Variants in PDE11A observed in about 807,000 individuals in gnomAD.
PDE11A encodes the protein dual 3',5'-cyclic-AMP and -GMP phosphodiesterase 11A.
In PDE11A, 100 loss-of-function variants were observed where a neutral mutation model predicts 100.5. The observed-to-expected ratio is 1.00, with a 90% CI of 0.85 to 1.18. The LOEUF is 1.18. PDE11A is among the 50% of genes most tolerant of loss of function. The probability of loss-of-function intolerance (pLI) is 0.00; values close to 1 mark genes in which losing one functional copy is unlikely to be tolerated. For missense variants in PDE11A, 1,141 were observed against 1,152.6 expected, an observed-to-expected ratio of 0.99 and a Z score of 0.15; for synonymous variants, 381 against 420.8, an observed-to-expected ratio of 0.91 and a Z score of 1.16.
At chr2:177,872,681 A>G (rs1187503832) in intron 5 of PDE11A, among the ~76,000 whole-genome samples, 1 of 152,196 alleles carries the variant, frequency 6.6e-6, no homozygotes, top group African/African-American at 2.4e-5. Flanking sequence ...TCAGAGGACT[A>G]AAGTATCTAA....
Position 177,872,281 on chromosome 2 carries a change from T to C in PDE11A, c.1367+3578A>G, listed in dbSNP as rs1263889581. Among the ~76,000 whole-genome samples, 3 of 152,344 alleles carry C rather than the reference T, an allele frequency of 2.0e-5. No homozygotes were observed. The South Asian group carries it at 6.2e-4, about 32-fold the overall frequency. Reference sequence around the variant, plus strand: ...TATAATTCAACATAAAATGCCTTTCTAACTACTAGAATCCCTTATAAATGC... The same window carrying C: ...TATAATTCAACATAAAATGCCTTTCCAACTACTAGAATCCCTTATAAATGC... On this transcript the variant is annotated intron_variant, in intron 5 of 19. Transcript: ENST00000286063.
chr2:177,657,741 A>T (rs2080411547), intron 19 of PDE11A, among the ~76,000 whole-genome samples: 1 of 152,180 alleles, frequency 6.6e-6, no homozygotes, highest in Non-Finnish European at 1.5e-5. Flanking sequence ...TTGGGGGTCA[A>T]ACCTTTAAGG....
intron 5 of PDE11A, among the ~76,000 whole-genome samples, chr2:177,849,282 T>G (rs545544148): frequency 1.5e-4 from 23 of 152,256 alleles, no homozygotes; most frequent in African/African-American, 4.3e-4. Flanking sequence ...TGATACTGAA[T>G]TGTGATAAAT....
In PDE11A at chr2:178,084,128, C is replaced by T. The variant is rs1419253246; in HGVS notation, c.162+20174G>A. Among the ~76,000 whole-genome samples, 5 of 152,318 alleles carry T rather than the reference C, an allele frequency of 3.3e-5. No individual in the cohort carries two copies. In the East Asian group the frequency reaches 9.6e-4, roughly 29 times the overall value. On this transcript the variant is annotated intron_variant, in intron 2 of 20. Transcript: ENST00000358450. Reference sequence around the variant, plus strand: ...ACTCAATAGTGTATTATAGCTATCCCTCCATGTGAGAATAAATAAAACCTC... The same window carrying T: ...ACTCAATAGTGTATTATAGCTATCCTTCCATGTGAGAATAAATAAAACCTC...
Position 177,882,161 on chromosome 2 carries a change from C to T in PDE11A, c.1303-6238G>A, listed in dbSNP as rs546823039. Among the ~76,000 whole-genome samples, 4 of 152,308 alleles carry T rather than the reference C, an allele frequency of 2.6e-5. No homozygotes were observed. The South Asian group carries it at 6.2e-4, about 24-fold the overall frequency. ...CAATTATTAATAGTGCCCACTTTCA[C>T]GCTCACAAGTGTCTTTGAATAGCAA... is the stretch of plus-strand genomic sequence containing the variant. On this transcript the variant is annotated intron_variant, in intron 4 of 19. Transcript: ENST00000286063.
intron 1 of PDE11A, among the ~76,000 whole-genome samples, chr2:178,049,521 C>G (rs1468088943): frequency 6.6e-6 from 1 of 152,166 alleles, no homozygotes; most frequent in Non-Finnish European, 1.5e-5. Context: ...GTGGGTGCAG[C>G]CCATGGAGCA....
chr2:177,795,424 A>C (rs995969959), intron 9 of PDE11A, among the ~76,000 whole-genome samples: 22 of 152,258 alleles, frequency 1.4e-4, no homozygotes, highest in African/African-American at 4.3e-4. Context: ...TTCCAAGAGC[A>C]GATGTTTTTG....
chr2:177,882,635 A>C (rs1024908701), intron 4 of PDE11A, among the ~76,000 whole-genome samples: 12 of 152,274 alleles, frequency 7.9e-5, no homozygotes, highest in African/African-American at 2.9e-4. Flanking sequence ...ACACAAAACA[A>C]CTGGTTTCAA....
chr2:177,697,576 C>T, intron 14 of PDE11A, 144 bp from the exon 15 acceptor site: 1 of 620,600 alleles, frequency 1.6e-6, no homozygotes, highest in Non-Finnish European at 2.9e-6. Context: ...TAAATATAAA[C>T]AGATTCTCTG....
chr2:177,919,926 C>T (rs961231287), intron 2 of PDE11A, among the ~76,000 whole-genome samples: 9 of 151,954 alleles, frequency 5.9e-5, no homozygotes, highest in African/African-American at 2.2e-4. Context: ...AATAATCATG[C>T]AACTTAAAGG....
chr2:177,748,237 G>A (rs906323831), intron 10 of PDE11A, among the ~76,000 whole-genome samples: 2 of 152,144 alleles, frequency 1.3e-5, no homozygotes, highest in African/African-American at 4.8e-5. Flanking sequence ...TTCAAAGTCA[G>A]AATTACCACT....
chr2:178,071,599 A>T lies in PDE11A; in HGVS notation c.839T>A (p.Val280Asp). 6.2e-7 allele frequency: 1 copy of T among 1,613,782 alleles called. No homozygotes were observed. The change falls in exon 1 of 20, where the codon GTC (valine) becomes GAC (aspartate). Residue 280 changes from valine to aspartate, a missense_variant. Transcript: ENST00000286063. ...GCCAATGATACCTTTGCCCCAGGGG[A>T]CCTGCACCTCATTTGAGTTCTCTGT... ...SSTENSNEVQ[V>D]PWGKGIIGYV... is the part of the protein sequence containing the mutation.
chr2:177,666,177 A>ATGTG (rs1194721325), intron 18 of PDE11A, among the ~76,000 whole-genome samples: 3 of 152,212 alleles, frequency 2.0e-5, no homozygotes, highest in Admixed American at 2.0e-4. Flanking sequence ...ATCTTATGAT[A>ATGTG]TGTGGTCTTT....
chr2:177,883,068 A>T (rs2084369901), intron 4 of PDE11A, among the ~76,000 whole-genome samples: 1 of 152,120 alleles, frequency 6.6e-6, no homozygotes, highest in African/African-American at 2.4e-5. Context: ...CAGGAGTTCG[A>T]GACCAGCATG....
chr2:177,987,421 C>T (rs1228604983), intron 2 of PDE11A, among the ~76,000 whole-genome samples: 1 of 152,162 alleles, frequency 6.6e-6, no homozygotes, highest in African/African-American at 2.4e-5. Context: ...GAGGGACGTT[C>T]TTATTGAAAT....
chr2:178,050,027 A>T (rs139793788), intron 1 of PDE11A, among the ~76,000 whole-genome samples: 3,169 of 152,204 alleles, frequency 0.021, 375 homozygotes, highest in Admixed American at 0.18. Context: ...GGAGTTTGAG[A>T]TCTGGGAACG....
intron 5 of PDE11A, among the ~76,000 whole-genome samples, chr2:177,842,510 A>G (rs1054119658): frequency 6.6e-6 from 1 of 152,240 alleles, no homozygotes; most frequent in Admixed American, 6.5e-5. Context: ...GCCTTGACCA[A>G]GTTGCTGAGA....
intron 4 of PDE11A, among the ~76,000 whole-genome samples, chr2:177,886,778 C>T (rs1288716311): frequency 6.6e-6 from 1 of 152,012 alleles, no homozygotes; most frequent in African/African-American, 2.4e-5. Flanking sequence ...CACATCTGAT[C>T]TTTTCCAAAA....
At chr2:177,970,878 CA>C (rs2085760722) in intron 2 of PDE11A, among the ~76,000 whole-genome samples, 1 of 152,108 alleles carries the variant, frequency 6.6e-6, no homozygotes, top group Admixed American at 6.5e-5. Context: ...TCATAGCAGT[CA>C]GGGGAGGAGT....
Sources: allele counts gnomAD v4.1 joint callset (sites outside exome capture counted in the v4.1 genomes callset), GRCh38; gene constraint gnomAD v4.1.1; transcripts MANE v1.5; gene names NCBI Gene and HGNC (gene_info 2026-07-23, HGNC 2026-07-21).